LIPA: variants seen among roughly 807,000 people sequenced by gnomAD.
LIPA encodes the protein lipase A, lysosomal acid type.
In LIPA, 26 loss-of-function variants were observed where a neutral mutation model predicts 40.6. That is an observed-to-expected ratio of 0.64 (90% CI 0.47 to 0.89). LIPA has a LOEUF of 0.89. Among genes scored for constraint, LIPA ranks in the 40% least tolerant of loss-of-function variants. The pLI is 0.00. For synonymous variants in LIPA, 188 were observed against 168.4 expected (o/e 1.12, Z -0.90); for missense variants, 455 against 479.6 (o/e 0.95, Z 0.48).
intron 3 of LIPA, among the ~76,000 whole-genome samples, chr10:89,243,012 T>C (rs762197850): frequency 1.3e-5 from 2 of 152,174 alleles, no homozygotes; most frequent in Admixed American, 6.5e-5. Flanking sequence ...TCAAGAATGA[T>C]TCTGCAGATT....
intron 1 of LIPA, among the ~76,000 whole-genome samples, chr10:89,268,240 A>C (rs1233860854): frequency 6.6e-6 from 1 of 152,214 alleles, no homozygotes; most frequent in African/African-American, 2.4e-5. Flanking sequence ...TGGCTGTGCA[A>C]ACTAGTGTAA....
intron 1 of LIPA, among the ~76,000 whole-genome samples, chr10:89,323,159 T>G (rs1843580779): frequency 6.6e-6 from 1 of 152,154 alleles, no homozygotes. Context: ...TAAATGTGAT[T>G]CACCACATAA....
chr10:89,232,936 T>C (rs1725649528), intron 3 of LIPA, among the ~76,000 whole-genome samples: 1 of 152,212 alleles, frequency 6.6e-6, no homozygotes, highest in African/African-American at 2.4e-5. Flanking sequence ...AGGAATGGCC[T>C]GTGGACAGCT....
intron 2 of LIPA, among the ~76,000 whole-genome samples, chr10:89,352,564 CT>C (rs1843965419): frequency 6.6e-6 from 1 of 152,162 alleles, no homozygotes; most frequent in Admixed American, 6.5e-5. Flanking sequence ...GGAGGCTATG[CT>C]TTCCAGCCTG....
chr10:89,361,684 A>G (rs1332268238), intron 2 of LIPA, among the ~76,000 whole-genome samples: 1 of 152,108 alleles, frequency 6.6e-6, no homozygotes, highest in African/African-American at 2.4e-5. Flanking sequence ...GCATTTGCTG[A>G]TATCATGATG....
intron 3 of LIPA, among the ~76,000 whole-genome samples, chr10:89,234,366 T>G (rs1172828340): frequency 2.0e-5 from 3 of 152,148 alleles, no homozygotes; most frequent in Non-Finnish European, 4.4e-5. Context: ...CCAGTTTCCT[T>G]TCATCCCAGA....
At chr10:89,235,708 C>A (rs924254593) in intron 3 of LIPA, among the ~76,000 whole-genome samples, 1 of 152,206 alleles carries the variant, frequency 6.6e-6, no homozygotes, top group Non-Finnish European at 1.5e-5. Flanking sequence ...AGGGCCAGGG[C>A]AGAACCAAAA....
chr10:89,271,384 C>A (rs1241744807), intron 1 of LIPA, among the ~76,000 whole-genome samples: 2 of 152,198 alleles, frequency 1.3e-5, no homozygotes, highest in African/African-American at 4.8e-5. Flanking sequence ...GATGGATTTA[C>A]ATTGATTTGT....
chr10:89,317,758 A>G (rs1261336095), intron 1 of LIPA, among the ~76,000 whole-genome samples: 2 of 152,220 alleles, frequency 1.3e-5, no homozygotes, highest in African/African-American at 4.8e-5. Flanking sequence ...TCCAAGACAC[A>G]TAATTAGCAG....
chr10:89,281,176 C>A (rs1171543765), intron 1 of LIPA, among the ~76,000 whole-genome samples: 1 of 152,188 alleles, frequency 6.6e-6, no homozygotes, highest in Non-Finnish European at 1.5e-5. Flanking sequence ...GAGCCCTCTT[C>A]TTGACTAGGC....
chr10:89,291,404 C>G (rs1371673407), intron 1 of LIPA, among the ~76,000 whole-genome samples: 1 of 152,172 alleles, frequency 6.6e-6, no homozygotes, highest in Non-Finnish European at 1.5e-5. Context: ...ACATATAACT[C>G]TTTTGGTGCC....
exon 2 of LIPA, chr10:89,412,849 C>A: frequency 2.8e-6 from 1 of 361,592 alleles, no homozygotes. Flanking sequence ...CCAGACACGC[C>A]ATCTTTAACA....
intron 1 of LIPA, among the ~76,000 whole-genome samples, chr10:89,267,848 C>A (rs1302132008): frequency 6.6e-6 from 1 of 152,036 alleles, no homozygotes; most frequent in African/African-American, 2.4e-5. Flanking sequence ...CAACCAGTAG[C>A]CGGAGGACAC....
chr10:89,338,625 T>C, intron 1 of LIPA: 1 of 1,579,904 alleles, frequency 6.3e-7, no homozygotes, highest in Non-Finnish European at 8.6e-7. Flanking sequence ...TGCTTGGCAG[T>C]GTACATCACA....
At position 89,237,453 on chromosome 10, in the gene LIPA, C is replaced by CAAA. The variant is rs77561722; in HGVS notation, c.229+8220_229+8222dup. ...TGCAGATGAAAGTGTTCCATTCTAACAAAAAAAAATATATATATATATCCC... is the reference window on the plus strand; with the variant it reads ...TGCAGATGAAAGTGTTCCATTCTAACAAAAAAAAAAAATATATATATATATCCC... On this transcript the variant is annotated intron_variant, in intron 3 of 9. Coordinates refer to ENST00000336233, the MANE Select transcript of LIPA (RefSeq NM_000235.4). Among the ~76,000 whole-genome samples the CAAA allele has an allele frequency of 1.1e-3, 147 of 139,198 alleles. 1 individual carries two copies. Among genetic ancestry groups the CAAA allele is most frequent in the African/African-American group, 4.4e-3 (143 of 32,578 alleles). The allele number at this position is 139,198 out of a possible 152,430, so 91.3% of individuals were successfully genotyped here.
At chr10:89,342,293 C>T (rs1843878930) in intron 1 of LIPA, among the ~76,000 whole-genome samples, 1 of 152,184 alleles carries the variant, frequency 6.6e-6, no homozygotes, top group African/African-American at 2.4e-5. Context: ...GGGCAGAGAG[C>T]ACAGACTTCC....
At chr10:89,256,359 C>T (rs1016020732), upstream of LIPA, among the ~76,000 whole-genome samples, 2 of 152,294 alleles carry the variant, frequency 1.3e-5, no homozygotes, top group African/African-American at 2.4e-5. Flanking sequence ...AGACATGAGG[C>T]TGGAGGAGAT....
In LIPA at chr10:89,362,635, G is replaced by A. The variant is rs114819127; in HGVS notation, c.61+50156C>T. 1,790 of 441,418 alleles carry A rather than the reference G, an allele frequency of 4.1e-3. 31 individuals carry two copies. Among genetic ancestry groups the A allele is most frequent in the African/African-American group, 0.034 (1,644 of 48,844 alleles). 27.3% of individuals were successfully genotyped at this position (441,418 alleles called of 1,614,324 possible). On this transcript the variant is annotated intron_variant, in intron 2 of 8. Coordinates refer to the LIPA transcript ENST00000371837. The stretch of plus-strand genomic sequence containing the variant: ...GCCTGGGCGTATCACCACATAGGCA[G>A]ACTGGCAGAAGCCCAGACTTACCTG...
chr10:89,396,711 C>T (rs944686948), intron 2 of LIPA, among the ~76,000 whole-genome samples: 24 of 152,198 alleles, frequency 1.6e-4, no homozygotes, highest in Admixed American at 1.2e-3. Flanking sequence ...GTATCCAAAC[C>T]ATAGCACTTG....
Sources: allele counts gnomAD v4.1 joint callset (sites outside exome capture counted in the v4.1 genomes callset), GRCh38; gene constraint gnomAD v4.1.1; transcripts MANE v1.5; gene names NCBI Gene and HGNC (gene_info 2026-07-23, HGNC 2026-07-21).